The following PPHLN1 variants were observed in gnomAD, a reference collection of about 807,000 sequenced individuals.
PPHLN1 encodes the protein periphilin-1.
A neutral mutation model predicts 51.3 loss-of-function variants in PPHLN1; 29 were observed. The ratio of observed to expected loss-of-function variants is 0.57; its 90% CI spans 0.42 to 0.77. PPHLN1 has a LOEUF of 0.77. Ranked by LOEUF, PPHLN1 falls within the 30% of genes least tolerant of loss-of-function variation. The probability of loss-of-function intolerance (pLI) is 0.00; values close to 1 mark genes in which losing one functional copy is unlikely to be tolerated. For synonymous variants in PPHLN1, 147 were observed against 147.8 expected, an observed-to-expected ratio of 0.99 and a Z score of 0.04; for missense variants, 436 against 438.4, an observed-to-expected ratio of 0.99 and a Z score of 0.05.
rs371819974 is a variant in PPHLN1, at chr12:42,426,228, A to ACACACACACC, written c.910-15086_910-15085insACACACACCC. ...CACACACACACACACACACACACAC[A>ACACACACACC]CCCTCATGCATTGTCTCATGGCAGT... On this transcript the variant is annotated intron_variant, in intron 9 of 9. Coordinates refer to ENST00000358314, the MANE Select transcript of PPHLN1 (RefSeq NM_201439.2). Among the ~76,000 whole-genome samples the ACACACACACC allele has an allele frequency of 1.9e-3, 253 of 129,846 alleles. 2 individuals are homozygous for ACACACACACC. Among genetic ancestry groups the ACACACACACC allele is most frequent in the Admixed American group, 6.6e-3 (88 of 13,326 alleles). The allele number at this position is 129,846 out of a possible 152,430, so 85.2% of individuals were successfully genotyped here. A position where few individuals can be genotyped will look rare whatever the true frequency, so the allele number is the denominator to read the frequency against.
chr12:42,364,901 A>G (rs2075106555), intron 4 of PPHLN1, among the ~76,000 whole-genome samples: 1 of 152,232 alleles, frequency 6.6e-6, no homozygotes, highest in East Asian at 1.9e-4. Context: ...TGGGCGACAG[A>G]GGGAGACTCC....
intron 2 of PPHLN1, among the ~76,000 whole-genome samples, chr12:42,345,643 A>G (rs898564482): frequency 1.3e-4 from 20 of 150,896 alleles, no homozygotes; most frequent in Non-Finnish European, 4.4e-5. Context: ...ATTAGTATGT[A>G]GATATTTTTA....
intron 4 of PPHLN1, among the ~76,000 whole-genome samples, chr12:42,360,728 C>T (rs1384707077): frequency 3.3e-5 from 5 of 152,132 alleles, no homozygotes; most frequent in South Asian, 4.2e-4. Flanking sequence ...CTCCTAACCT[C>T]GTGATCTGCC....
Position 42,329,352 on chromosome 12 carries a change from C to A in PPHLN1, c.-21+3123C>A, listed in dbSNP as rs193270044. The stretch of plus-strand genomic sequence containing the variant: ...GATCTCCTGACTTCGTGATCCGCCC[C>A]CCTCGGCCTCCCAAAGTGCTGGGAT... On this transcript the variant is annotated intron_variant, in intron 1 of 9. Transcript: ENST00000358314. Among the ~76,000 whole-genome samples, 570 of 151,864 alleles carry A rather than the reference C, an allele frequency of 3.8e-3. 5 individuals are homozygous for A. Among genetic ancestry groups the A allele is most frequent in the African/African-American group, 0.013 (534 of 41,418 alleles).
chr12:42,373,038 G>C lies in PPHLN1; in HGVS notation c.300-1825G>C, dbSNP rs190386011. ...CCCATCTAAGATACCACTGTCTCTTGCCTGGACTAAGTTAGGTTCCTCGTT... is the reference window on the plus strand; with the variant it reads ...CCCATCTAAGATACCACTGTCTCTTCCCTGGACTAAGTTAGGTTCCTCGTT... On this transcript the variant is annotated intron_variant, in intron 4 of 9. Coordinates refer to ENST00000358314, the MANE Select transcript of PPHLN1 (RefSeq NM_201439.2). Among the ~76,000 whole-genome samples the C allele has an allele frequency of 2.6e-3, 399 of 152,214 alleles. 1 individual carries two copies. The highest frequency in any genetic ancestry group is 9.2e-3 in the African/African-American group (381 of 41,542).
At chr12:42,362,612 G>T (rs2074822991) in intron 4 of PPHLN1, among the ~76,000 whole-genome samples, 1 of 152,162 alleles carries the variant, frequency 6.6e-6, no homozygotes, top group Non-Finnish European at 1.5e-5. Context: ...ATTTTTTGAA[G>T]CTAAGAATCT....
chr12:42,446,757 G>A, downstream of PPHLN1: 2 of 1,096,686 alleles, frequency 1.8e-6, no homozygotes, highest in Non-Finnish European at 2.5e-6. Flanking sequence ...GCAATTGGAA[G>A]GTCGGGAGGT....
chr12:42,343,544 G>A (rs946477400), intron 2 of PPHLN1, among the ~76,000 whole-genome samples: 6 of 151,782 alleles, frequency 4.0e-5, no homozygotes, highest in East Asian at 1.9e-4. Context: ...TATCCTTCCC[G>A]TTAACTACTC....
intron 1 of PPHLN1, among the ~76,000 whole-genome samples, chr12:42,334,269 A>G (rs1461833187): frequency 6.6e-6 from 1 of 152,216 alleles, no homozygotes; most frequent in Admixed American, 6.5e-5. Flanking sequence ...ATTCATGCAT[A>G]ATGTTAAAAG....
chr12:42,350,461 G>A (rs1271117397), intron 2 of PPHLN1, among the ~76,000 whole-genome samples: 1 of 151,782 alleles, frequency 6.6e-6, no homozygotes, highest in Non-Finnish European at 1.5e-5. Flanking sequence ...GCCAGGAAGA[G>A]GCGCTCCTCA....
At chr12:42,432,137 A>T (rs2082091192) in intron 9 of PPHLN1, 1 of 1,144,566 alleles carries the variant, frequency 8.7e-7, no homozygotes, top group Non-Finnish European at 1.3e-6. Flanking sequence ...TGTCACGCTG[A>T]TGTCGGCTGT....
intron 9 of PPHLN1, among the ~76,000 whole-genome samples, chr12:42,426,172 C>CCACACACA (rs71084653): frequency 0.038 from 4,642 of 121,936 alleles, 131 homozygotes; most frequent in African/African-American, 0.054. Flanking sequence ...AGACTTGACA[C>CCACACACA]CACACACACA....
At chr12:42,364,615 C>T (rs1258646956) in intron 4 of PPHLN1, among the ~76,000 whole-genome samples, 1 of 151,988 alleles carries the variant, frequency 6.6e-6, no homozygotes, top group African/African-American at 2.4e-5. Flanking sequence ...CAGAGTGAGA[C>T]TCTGTCTCAA....
downstream of PPHLN1, chr12:42,446,066 G>A (rs1271184517): frequency 2.6e-6 from 4 of 1,546,948 alleles, no homozygotes; most frequent in Non-Finnish European, 2.6e-6. Flanking sequence ...GACCCTGCAG[G>A]CCCCGCAGCC....
At chr12:42,341,998 C>G (rs2071581786) in intron 2 of PPHLN1, among the ~76,000 whole-genome samples, 1 of 152,072 alleles carries the variant, frequency 6.6e-6, no homozygotes, top group South Asian at 2.1e-4. Context: ...TGGCCTTAAA[C>G]TTGGGTAGGT....
chr12:42,330,335 C>T (rs2069515728), intron 1 of PPHLN1, among the ~76,000 whole-genome samples: 1 of 152,202 alleles, frequency 6.6e-6, no homozygotes, highest in South Asian at 2.1e-4. Context: ...TTTACTGATC[C>T]TCCTCAGCAC....
Position 42,335,891 on chromosome 12 carries a change from A to T in PPHLN1, c.-12A>T. The T allele has an allele frequency of 6.4e-7, 1 of 1,551,066 alleles. No individual in the cohort carries two copies. The highest frequency in any genetic ancestry group is 8.7e-7 in the Non-Finnish European group (1 of 1,146,572). Reference sequence around the variant, plus strand: ...CTTTTTTTTTTCTTTAGTGGCTTACAGAAGAGACGAAATGTGGTCTGAGGG... The same window carrying T: ...CTTTTTTTTTTCTTTAGTGGCTTACTGAAGAGACGAAATGTGGTCTGAGGG... On this transcript the variant is annotated 5_prime_UTR_variant, in exon 2 of 10. Transcript: ENST00000358314.
At chr12:42,432,061 C>A (rs1434414814) in intron 9 of PPHLN1, 1 of 1,567,424 alleles carries the variant, frequency 6.4e-7, no homozygotes, top group African/African-American at 1.3e-5. Context: ...GATTTGCCAC[C>A]ACGTGGTCCA....
chr12:42,358,516 G>C (rs757831406), intron 4 of PPHLN1, among the ~76,000 whole-genome samples: 1 of 152,170 alleles, frequency 6.6e-6, no homozygotes, highest in Non-Finnish European at 1.5e-5. Context: ...TCAGCCTGCT[G>C]AGTAGCTGGG....
Sources: allele counts gnomAD v4.1 joint callset (sites outside exome capture counted in the v4.1 genomes callset), GRCh38; gene constraint gnomAD v4.1.1; transcripts MANE v1.5; gene names NCBI Gene and HGNC (gene_info 2026-07-23, HGNC 2026-07-21).